Variants in PRKN observed in about 807,000 individuals in gnomAD.
The protein encoded by PRKN is E3 ubiquitin-protein ligase parkin.
In PRKN, 56 loss-of-function variants were observed where a neutral mutation model predicts 59.5. That is an observed-to-expected ratio of 0.94 (90% CI 0.76 to 1.18). The LOEUF (loss-of-function observed/expected upper bound fraction) is 1.18, where lower values mean the gene tolerates loss of function less well. PRKN is among the 50% of genes most tolerant of loss of function. PRKN has a pLI of 0.00. For missense variants in PRKN, 657 were observed against 596.4 expected, an observed-to-expected ratio of 1.10 and a Z score of -1.06; for synonymous variants, 250 against 222.1, an observed-to-expected ratio of 1.13 and a Z score of -1.12.
intron 6 of PRKN, among the ~76,000 whole-genome samples, chr6:161,843,495 A>C (rs774948440): frequency 1.3e-5 from 2 of 152,210 alleles, no homozygotes; most frequent in Non-Finnish European, 2.9e-5. Flanking sequence ...GATTTTAAGA[A>C]TTATTCCTGG....
chr6:161,947,310 TAGC>T (rs1247097421), intron 6 of PRKN, among the ~76,000 whole-genome samples: 1 of 152,160 alleles, frequency 6.6e-6, no homozygotes, highest in Non-Finnish European at 1.5e-5. Context: ...AAGAAAAAAG[TAGC>T]AGAAGTTCAA....
intron 4 of PRKN, among the ~76,000 whole-genome samples, chr6:162,138,353 T>A (rs1781633640): frequency 6.6e-6 from 1 of 152,148 alleles, no homozygotes; most frequent in Admixed American, 6.6e-5. Flanking sequence ...GCATTATGGC[T>A]CTTCTGGATG....
intron 7 of PRKN, among the ~76,000 whole-genome samples, chr6:161,625,656 T>G (rs1167424588): frequency 1.3e-5 from 2 of 152,202 alleles, no homozygotes; most frequent in East Asian, 3.9e-4. Context: ...AGGAGCAATG[T>G]GGCGGCTACG....
At chr6:161,512,687 G>A (rs1192557692) in intron 9 of PRKN, among the ~76,000 whole-genome samples, 1 of 152,102 alleles carries the variant, frequency 6.6e-6, no homozygotes, top group African/African-American at 2.4e-5. Context: ...GTTGTGAGAT[G>A]ATTGTTCTAC....
chr6:161,675,322 G>T (rs1002440149), intron 7 of PRKN, among the ~76,000 whole-genome samples: 2 of 152,110 alleles, frequency 1.3e-5, no homozygotes, highest in Non-Finnish European at 2.9e-5. Context: ...GTCACATAAG[G>T]TATCATGTCT....
At chr6:162,112,059 T>C (rs1446539231) in intron 4 of PRKN, among the ~76,000 whole-genome samples, 1 of 152,250 alleles carries the variant, frequency 6.6e-6, no homozygotes, top group Non-Finnish European at 1.5e-5. Context: ...CCAAATTGTT[T>C]ATCTCCATTC....
chr6:161,619,612 T>C (rs1290511919), intron 7 of PRKN, among the ~76,000 whole-genome samples: 6 of 152,174 alleles, frequency 3.9e-5, no homozygotes, highest in Admixed American at 6.5e-5. Flanking sequence ...ATGAGAGAAC[T>C]GAGGCTGAGA....
At chr6:162,643,397 C>CAAATAA (rs1778038776) in intron 1 of PRKN, among the ~76,000 whole-genome samples, 1 of 82,492 alleles carries the variant, frequency 1.2e-5, no homozygotes, top group African/African-American at 5.3e-5. Context: ...GACTCTGCCT[C>CAAATAA]AAAAAAAAAA....
Position 161,379,908 on chromosome 6 carries a change from T to G in PRKN, c.1167+6886A>C, listed in dbSNP as rs1426309026. On this transcript the variant is annotated intron_variant, in intron 10 of 11. Transcript: ENST00000366898. This position sits in a 1 kb window ranked among gnomAD's most constrained non-coding sequence, Gnocchi z 4.9. Reference sequence around the variant, plus strand: ...CTATTACAATTCCCTACTAAGTGTTTTTCATATTACAGCCAGAGATCTTTC... The same window carrying G: ...CTATTACAATTCCCTACTAAGTGTTGTTCATATTACAGCCAGAGATCTTTC... Among the ~76,000 whole-genome samples, 1 of 152,240 alleles carries G rather than the reference T, an allele frequency of 6.6e-6. No individual in the cohort carries two copies. Among genetic ancestry groups the G allele is most frequent in the Non-Finnish European group, 1.5e-5 (1 of 68,046 alleles).
At position 161,545,216 on chromosome 6, in the gene PRKN, GAA is replaced by G; in HGVS notation, c.1083+3636_1083+3637del. 7.5e-7 allele frequency: 1 copy of G among 1,329,894 alleles called. No individual in the cohort carries two copies. The highest frequency in any genetic ancestry group is 9.6e-7 in the Non-Finnish European group (1 of 1,039,244). 82.4% of individuals were successfully genotyped at this position (1,329,894 alleles called of 1,614,324 possible). A position where few individuals can be genotyped will look rare whatever the true frequency, so the allele number is the denominator to read the frequency against. On this transcript the variant is annotated intron_variant, in intron 9 of 11. Coordinates refer to ENST00000366898, the MANE Select transcript of PRKN (RefSeq NM_004562.3). The surrounding 1 kb of genome is among the most constrained non-coding windows in gnomAD (Gnocchi z 4.1). ...ACTTTTTCTATCTTGATAATTGAGG[GAA>G]AAAAAAATTAAGCACGGGTGAATTC...
At chr6:162,215,637 C>CTTA (rs1278293692) in intron 3 of PRKN, among the ~76,000 whole-genome samples, 8 of 152,134 alleles carry the variant, frequency 5.3e-5, no homozygotes, top group African/African-American at 1.9e-4. Context: ...GAAATGGAGT[C>CTTA]TTATTTTAAT....
intron 6 of PRKN, among the ~76,000 whole-genome samples, chr6:161,897,984 A>AAAAAAAAAT (rs1554244227): frequency 0.025 from 2,898 of 117,626 alleles, 631 homozygotes; most frequent in African/African-American, 0.12. Context: ...AAAAAAAAAA[A>AAAAAAAAAT]GTCTCCCAGT....
At chr6:162,222,191 C>T (rs541175935) in intron 3 of PRKN, among the ~76,000 whole-genome samples, 11 of 152,222 alleles carry the variant, frequency 7.2e-5, no homozygotes, top group African/African-American at 2.6e-4. Context: ...GCCTTGAGTG[C>T]AGGTGGCACC....
At chr6:162,488,036 T>G (rs767047296) in intron 1 of PRKN, among the ~76,000 whole-genome samples, 22,315 of 149,340 alleles carry the variant, frequency 0.15, 1,983 homozygotes, top group Non-Finnish European at 0.18. Context: ...CCTTTTTTTT[T>G]TTTTTTTTTT....
At chr6:162,263,770 A>G (rs1018499026) in intron 2 of PRKN, among the ~76,000 whole-genome samples, 1 of 151,864 alleles carries the variant, frequency 6.6e-6, no homozygotes, top group South Asian at 2.1e-4. Flanking sequence ...CCTGACCAAC[A>G]TGGCAAAACC....
intron 8 of PRKN, among the ~76,000 whole-genome samples, chr6:161,565,140 C>T (rs186972305): frequency 6.6e-6 from 1 of 152,082 alleles, no homozygotes; most frequent in African/African-American, 2.4e-5. Context: ...TCAGCTTACA[C>T]TGTTGTTGTA....
chr6:162,682,411 A>G (rs1437914318), intron 1 of PRKN, among the ~76,000 whole-genome samples: 2 of 152,192 alleles, frequency 1.3e-5, no homozygotes, highest in Non-Finnish European at 2.9e-5. Flanking sequence ...ACTATGGAAT[A>G]TTATGCAGCC....
intron 1 of PRKN, among the ~76,000 whole-genome samples, chr6:162,470,651 G>A (rs538401958): frequency 6.6e-6 from 1 of 152,294 alleles, no homozygotes; most frequent in Admixed American, 6.5e-5. Flanking sequence ...TGAAACACAA[G>A]CATAAAACAC....
At chr6:161,640,957 G>A (rs185523304) in intron 7 of PRKN, among the ~76,000 whole-genome samples, 330 of 152,332 alleles carry the variant, frequency 2.2e-3, no homozygotes, top group Non-Finnish European at 2.0e-3. Context: ...CTGGAAAGCC[G>A]GCTCCCTGCA....
Sources: allele counts gnomAD v4.1 joint callset (sites outside exome capture counted in the v4.1 genomes callset), GRCh38; gene constraint gnomAD v4.1.1; non-coding constraint Gnocchi (gnomAD v3.1); transcripts MANE v1.5; gene names NCBI Gene and HGNC (gene_info 2026-07-23, HGNC 2026-07-21).